The following LAMA2 variants were observed in gnomAD, a reference collection of about 807,000 sequenced individuals.
The protein encoded by LAMA2 is laminin subunit alpha 2, also known as laminin subunit alpha-2.
In LAMA2, 269 loss-of-function variants were observed where a neutral mutation model predicts 364.8. The ratio of observed to expected loss-of-function variants is 0.74; its 90% confidence interval spans 0.67 to 0.82. LAMA2 has a LOEUF of 0.82. Ranked by LOEUF, LAMA2 falls within the 40% of genes least tolerant of loss-of-function variation. LAMA2 has a pLI of 0.00. For synonymous variants in LAMA2, 1,379 were observed against 1,370.6 expected, an observed-to-expected ratio of 1.01 and a Z score of -0.14; for missense variants, 3,807 against 3,873.2, an observed-to-expected ratio of 0.98 and a Z score of 0.45.
intron 12 of LAMA2, among the ~76,000 whole-genome samples, chr6:129,243,596 C>A (rs1174528246): frequency 1.3e-5 from 2 of 152,018 alleles, no homozygotes; most frequent in African/African-American, 2.4e-5. Context: ...CTCTGGTGGT[C>A]TGTTCCAGAA....
chr6:129,268,815 T>C (rs1787713176), intron 16 of LAMA2, among the ~76,000 whole-genome samples: 1 of 152,084 alleles, frequency 6.6e-6, no homozygotes, highest in Admixed American at 6.6e-5. Flanking sequence ...CCATCATAGC[T>C]AGTAAATAGG....
At chr6:129,353,405 T>C in intron 32 of LAMA2, 48 bp downstream of exon 32, 2 of 1,510,818 alleles carry the variant, frequency 1.3e-6, no homozygotes, top group South Asian at 2.3e-5. Flanking sequence ...TGATTCCAGT[T>C]CTGTCTCATT....
intron 19 of LAMA2, 70 bp from the exon 20 acceptor site, chr6:129,291,544 T>C: frequency 7.6e-6 from 8 of 1,054,332 alleles, no homozygotes; most frequent in African/African-American, 1.6e-5. Flanking sequence ...GTGGGGTATA[T>C]TATTATTTAA....
rs149255599 is a variant in LAMA2, at chr6:129,032,238, C to T, written c.113-17680C>T. Among the ~76,000 whole-genome samples the T allele has an allele frequency of 2.4e-3, 361 of 152,318 alleles. 1 individual carries two copies. Among genetic ancestry groups the T allele is most frequent in the African/African-American group, 8.2e-3 (343 of 41,578 alleles). ...ATAGTCTCTCCCATCATGAAGCTTA[C>T]GTTCCAGCAAGGAAGCTAGACCTTC... On this transcript the variant is annotated intron_variant, in intron 1 of 64. Coordinates refer to ENST00000421865, the MANE Select transcript of LAMA2 (RefSeq NM_000426.4).
chr6:128,922,375 T>A (rs1457551950), intron 1 of LAMA2, among the ~76,000 whole-genome samples: 1 of 151,710 alleles, frequency 6.6e-6, no homozygotes, highest in East Asian at 1.9e-4. Context: ...CCCTGTTGTT[T>A]CCTGACTTTT....
chr6:129,426,111 G>GC, intron 40 of LAMA2, among the ~76,000 whole-genome samples: 1 of 152,082 alleles, frequency 6.6e-6, no homozygotes, highest in African/African-American at 2.4e-5. Context: ...AATAAGGTTG[G>GC]CATCTACTGA....
intron 3 of LAMA2, among the ~76,000 whole-genome samples, chr6:129,088,533 T>C (rs917459341): frequency 4.8e-4 from 69 of 145,222 alleles, no homozygotes; most frequent in Admixed American, 6.8e-4. Context: ...GGCTGCCCCC[T>C]ACCTCCCTCC....
chr6:129,287,786 T>G, intron 18 of LAMA2, 61 bp from the exon 19 acceptor site: 2 of 1,313,710 alleles, frequency 1.5e-6, no homozygotes, highest in Non-Finnish European at 2.2e-6. Context: ...ATGAAAAATA[T>G]GTAAACATTG....
chr6:128,930,100 C>T, intron 1 of LAMA2: 1 of 314,240 alleles, frequency 3.2e-6, no homozygotes, highest in Non-Finnish European at 5.8e-6. Flanking sequence ...AGCCCACAGC[C>T]CGCACAGGGC....
chr6:129,354,448 G>A (rs1243903969), intron 32 of LAMA2, among the ~76,000 whole-genome samples: 1 of 152,000 alleles, frequency 6.6e-6, no homozygotes, highest in Non-Finnish European at 1.5e-5. Context: ...GTCATATTTA[G>A]TTGATAGTAT....
At chr6:128,946,565 A>G (rs1168241310) in intron 1 of LAMA2, among the ~76,000 whole-genome samples, 2 of 152,192 alleles carry the variant, frequency 1.3e-5, no homozygotes, top group South Asian at 2.1e-4. Flanking sequence ...ATCGAAAAAT[A>G]CGAAGTTCAA....
At chr6:128,956,104 A>G (rs1013737201) in intron 1 of LAMA2, among the ~76,000 whole-genome samples, 1 of 152,016 alleles carries the variant, frequency 6.6e-6, no homozygotes, top group African/African-American at 2.4e-5. Flanking sequence ...AAAGATACAT[A>G]ATAATATGCC....
At position 129,420,151 on chromosome 6, in the gene LAMA2, A is replaced by G. The variant is rs1202855013; in HGVS notation, c.5866-7601A>G. Among the ~76,000 whole-genome samples, 8 of 152,128 alleles carry G rather than the reference A, an allele frequency of 5.3e-5. 1 individual carries two copies. The highest frequency in any genetic ancestry group is 1.5e-5 in the Non-Finnish European group (1 of 68,002). On this transcript the variant is annotated intron_variant, in intron 40 of 64. Transcript: ENST00000421865. ...TCCTATGCAAATAGTTTTTCTACAA[A>G]TGGGTGATATTTATATAACTGTTTC...
intron 55 of LAMA2, 35 bp from the exon 56 acceptor site, chr6:129,486,439 T>G (rs965118528): frequency 1.2e-6 from 2 of 1,608,236 alleles, no homozygotes; most frequent in Admixed American, 1.7e-5. Flanking sequence ...AAATGAGACT[T>G]CTGTTTAATC....
At chr6:129,115,306 G>A (rs980104131) in intron 4 of LAMA2, among the ~76,000 whole-genome samples, 1 of 152,004 alleles carries the variant, frequency 6.6e-6, no homozygotes, top group African/African-American at 2.4e-5. Context: ...ACAAATTGGT[G>A]TTTCCACTTT....
In LAMA2 at chr6:129,148,995, G is replaced by A; in HGVS notation, c.926G>A (p.Cys309Tyr). 6.2e-7 allele frequency: 1 copy of A among 1,612,916 alleles called. No homozygotes were observed. The part of the protein sequence containing the change: ...DPATNKSRCE[C>Y]EHNTCGDSCD... ...TTTGACTAGAAATCTCGCTGTGAGTGTGAGCATAACACATGTGGCGATAGC... is the reference window on the plus strand; with the variant it reads ...TTTGACTAGAAATCTCGCTGTGAGTATGAGCATAACACATGTGGCGATAGC... Residue 309 changes from cysteine to tyrosine, a missense_variant, in exon 7 of 65, where the codon TGT becomes TAT. By Grantham distance (194) the Cys-to-Tyr change is radical (BLOSUM62 -2). Around this residue, in one of 3 missense-constraint regions of LAMA2, gnomAD observed 394 missense variants for 403.5 expected, o/e 0.98. Transcript: ENST00000421865.
In LAMA2 at chr6:129,501,573, T is replaced by C. The variant is rs141404382; in HGVS notation, c.8245-1086T>C. On this transcript the variant is annotated intron_variant, in intron 58 of 64. Transcript: ENST00000421865. ...TGAGTCATCTCTGAGGTACACTCTT[T>C]GGGAAGAACACTGTGCATCAAAAGC... 3.9e-4 allele frequency among the ~76,000 whole-genome samples: 60 copies of C among 152,124 alleles called. No individual in the cohort carries two copies. In the East Asian group the frequency reaches 9.6e-3, roughly 24 times the overall value.
chr6:129,335,452 T>C (rs1317334998), intron 29 of LAMA2, among the ~76,000 whole-genome samples: 2 of 151,868 alleles, frequency 1.3e-5, no homozygotes, highest in Non-Finnish European at 2.9e-5. Flanking sequence ...TCAGATTATT[T>C]CTCCTATTTT....
chr6:129,066,039 T>TC (rs1554210041), intron 3 of LAMA2, among the ~76,000 whole-genome samples: 2 of 74,628 alleles, frequency 2.7e-5, no homozygotes, highest in East Asian at 3.6e-4. Context: ...CAGTCTCAGG[T>TC]TTTTTTTTTT....
Sources: gnomAD v4.1 joint callset for allele counts (sites outside exome capture counted in the v4.1 genomes callset) on GRCh38, gnomAD v4.1.1 for gene constraint, gnomAD v4.1.1 regional missense constraint, MANE v1.5 for transcripts, NCBI Gene and HGNC (gene_info 2026-07-23, HGNC 2026-07-21) for gene names.